Variants in NOLC1 observed in about 807,000 individuals in gnomAD.
The protein encoded by NOLC1 is 140 kDa nucleolar phosphoprotein.
A neutral mutation model predicts 73.4 loss-of-function variants in NOLC1; 37 were observed. That is an observed-to-expected ratio of 0.50 (90% CI 0.39 to 0.66). NOLC1 has a LOEUF of 0.66. Ranked by LOEUF, NOLC1 falls within the 30% of genes least tolerant of loss-of-function variation. The probability of loss-of-function intolerance (pLI) is 0.00; values close to 1 mark genes in which losing one functional copy is unlikely to be tolerated. For synonymous variants in NOLC1, 327 were observed against 302.6 expected (o/e 1.08, Z -0.84); for missense variants, 921 against 838.9 (o/e 1.10, Z -1.21).
chr10:102,157,570 G>A lies in NOLC1; in HGVS notation c.441+15G>A, dbSNP rs1019254261. The A allele has an allele frequency of 6.2e-7, 1 of 1,608,028 alleles. No individual in the cohort carries two copies. The highest frequency in any genetic ancestry group is 1.3e-5 in the African/African-American group (1 of 74,520). ...AGCCTGTCCAGGTTTGCAGCTTTGGGAAGAAAAAGGGGTTTAAGGATTAGA... is the reference window on the plus strand; with the variant it reads ...AGCCTGTCCAGGTTTGCAGCTTTGGAAAGAAAAAGGGGTTTAAGGATTAGA... On this transcript the variant is annotated intron_variant, in intron 4 of 12. Coordinates refer to ENST00000605788, the MANE Select transcript of NOLC1 (RefSeq NM_004741.5).
At chr10:102,156,197 T>C (rs1284544329) in intron 1 of NOLC1, among the ~76,000 whole-genome samples, 2 of 152,208 alleles carry the variant, frequency 1.3e-5, no homozygotes, top group African/African-American at 4.8e-5. Context: ...AAAACCTTCT[T>C]GTATTAGTGT....
At chr10:102,155,303 G>T (rs1334530540) in intron 1 of NOLC1, among the ~76,000 whole-genome samples, 1 of 151,694 alleles carries the variant, frequency 6.6e-6, no homozygotes, top group African/African-American at 2.4e-5. Flanking sequence ...GGGATTACAG[G>T]CGTTTAGCCA....
At position 102,157,257 on chromosome 10, in the gene NOLC1, C is replaced by T. The variant is rs770624197; in HGVS notation, c.245C>T (p.Ala82Val). 27 of 1,614,056 alleles carry T rather than the reference C, an allele frequency of 1.7e-5. No individual in the cohort carries two copies. The highest frequency in any genetic ancestry group is 2.3e-5 in the Non-Finnish European group (27 of 1,180,036). ...GPVAKKAKKK[A>V]SSSDSEDSSE... ...GTGGCTAAGAAAGCTAAGAAGAAGG[C>T]CTCATCCAGTGACAGTGAGGACAGC... Residue 82 changes from alanine to valine, a missense_variant, in exon 3 of 13, where the codon GCC becomes GTC. By Grantham distance (64) the Ala-to-Val change is moderately conservative (BLOSUM62 0). Coordinates refer to ENST00000605788, the MANE Select transcript of NOLC1 (RefSeq NM_004741.5).
rs560554951 is a variant in NOLC1, at chr10:102,153,600, G to A, written c.120+1070G>A. Among the ~76,000 whole-genome samples, 35 of 151,810 alleles carry A rather than the reference G, an allele frequency of 2.3e-4. No homozygotes were observed. In the East Asian group the frequency reaches 6.6e-3, roughly 29 times the overall value. ...TTTCTTAATGAAACTGTTTAGAGTT[G>A]ACTGTTAAGGAGACTGCGGAGAGTG... On this transcript the variant is annotated intron_variant, in intron 1 of 12. Coordinates refer to ENST00000605788, the MANE Select transcript of NOLC1 (RefSeq NM_004741.5).
rs900694772 is a variant in NOLC1, at chr10:102,162,869, G to A, written c.*600G>A. On this transcript the variant is annotated 3_prime_UTR_variant, in exon 13 of 13. Transcript: ENST00000605788. ...GGGACTGAAGTTTTTAGCCAGCATG[G>A]ACCTAACCTACTTTTTGGGATAAAA... is the stretch of plus-strand genomic sequence containing the variant. The A allele has an allele frequency of 2.6e-5, 4 of 152,168 alleles. No homozygotes were observed. Among genetic ancestry groups the A allele is most frequent in the African/African-American group, 9.7e-5 (4 of 41,406 alleles). 9.4% of individuals were successfully genotyped at this position (152,168 alleles called of 1,614,324 possible).
At position 102,157,550 on chromosome 10, in the gene NOLC1, G is replaced by T. The variant is rs148752153; in HGVS notation, c.436G>T (p.Val146Phe). The change falls in exon 4 of 13, where the codon GTC (valine) becomes TTC (phenylalanine). Residue 146 changes from valine to phenylalanine, a missense_variant. Transcript: ENST00000605788. ...DDEEDQKKQPVQKGVKPQAKA... is the reference protein window; with the variant it reads ...DDEEDQKKQPFQKGVKPQAKA... ...TGAGGAGGACCAAAAGAAACAGCCT[G>T]TCCAGGTTTGCAGCTTTGGGAAGAA... 1.2e-6 allele frequency: 2 copies of T among 1,613,758 alleles called. No individual in the cohort carries two copies. Among genetic ancestry groups the T allele is most frequent in the East Asian group, 4.5e-5 (2 of 44,870 alleles).
At chr10:102,156,264 AAG>A (rs905086956) in intron 1 of NOLC1, among the ~76,000 whole-genome samples, 4 of 152,218 alleles carry the variant, frequency 2.6e-5, no homozygotes, top group Admixed American at 1.3e-4. Context: ...TGCTAGAGTA[AAG>A]AGAGAGCCTT....
rs1480455851 is a variant in NOLC1 at position 102,160,985 on chromosome 10, A to G, written c.1633A>G (p.Lys545Glu). ...GGGCTCTCCAAGACCACAAGCCCCC[A>G]AGGCCAATGGCACCTCTGCACTGAC... is the stretch of plus-strand genomic sequence containing the variant. Reference protein sequence around the residue: ...GKGSPRPQAPKANGTSALTAQ... With the variant: ...GKGSPRPQAPEANGTSALTAQ... Residue 545 changes from lysine (K) to glutamate (E), a missense_variant, in exon 10 of 13, where the codon AAG becomes GAG. By Grantham distance (56) the Lys-to-Glu change is moderately conservative. Coordinates refer to ENST00000605788, the MANE Select transcript of NOLC1 (RefSeq NM_004741.5). 6.8e-6 allele frequency: 11 copies of G among 1,614,206 alleles called. No individual in the cohort carries two copies. Among genetic ancestry groups the G allele is most frequent in the East Asian group, 2.2e-5 (1 of 44,894 alleles).
At position 102,160,477 on chromosome 10, in the gene NOLC1, A is replaced by G. The variant is rs1272999932; in HGVS notation, c.1125A>G (p.Glu375=). Residue 375 remains glutamate, a synonymous_variant, in exon 10 of 13, where the codon GAA becomes GAG. Coordinates refer to ENST00000605788, the MANE Select transcript of NOLC1 (RefSeq NM_004741.5). ...SSDSDSSEDD[E]APSKPAGTTK... is the part of the protein sequence containing the mutation. Reference sequence around the variant, plus strand: ...ACTCTGACAGCTCTGAGGATGATGAAGCTCCTTCTAAGCCAGCTGGTACCA... The same window carrying G: ...ACTCTGACAGCTCTGAGGATGATGAGGCTCCTTCTAAGCCAGCTGGTACCA... 1 of 1,613,780 alleles carries G rather than the reference A, an allele frequency of 6.2e-7. No homozygotes were observed. The highest frequency in any genetic ancestry group is 1.3e-5 in the African/African-American group (1 of 74,890).
chr10:102,158,141 G>C lies in NOLC1; in HGVS notation c.534G>C (p.Glu178Asp). The C allele has an allele frequency of 2.5e-6, 4 of 1,614,130 alleles. No individual in the cohort carries two copies. Among genetic ancestry groups the C allele is most frequent in the Non-Finnish European group, 3.4e-6 (4 of 1,179,990 alleles). The change falls in exon 5 of 13, where the codon GAG (glutamate) becomes GAC (aspartate). Residue 178 changes from glutamate to aspartate, a missense_variant. Glu to Asp is a conservative substitution (Grantham distance 45). Coordinates refer to ENST00000605788, the MANE Select transcript of NOLC1 (RefSeq NM_004741.5). ...DSDSDSSSED[E>D]PPKNQKPKIT... ...ATTCTGACTCAAGCTCCGAGGATGA[G>C]CCACCAAAGAACCAGAAGCCAAAGA...
intron 1 of NOLC1, among the ~76,000 whole-genome samples, chr10:102,155,014 C>A (rs1417441815): frequency 2.0e-5 from 3 of 149,118 alleles, no homozygotes; most frequent in Non-Finnish European, 3.0e-5. Context: ...TACCACCACA[C>A]CTGGCTAATT....
chr10:102,160,911 C>G lies in NOLC1; in HGVS notation c.1559C>G (p.Ser520Cys), dbSNP rs2069696701. Residue 520 changes from serine to cysteine, a missense_variant, in exon 10 of 13, where the codon TCT becomes TGT. Transcript: ENST00000605788. ...KKGKAESSNS[S>C]SSDDSSEEEE... ...GGAAAGGCTGAGAGCAGCAACAGTT[C>G]TTCTTCTGATGACTCCAGTGAGGAA... 1 of 1,613,730 alleles carries G rather than the reference C, an allele frequency of 6.2e-7. No individual in the cohort carries two copies. The highest frequency in any genetic ancestry group is 8.5e-7 in the Non-Finnish European group (1 of 1,179,872).
intron 10 of NOLC1, 66 bp downstream of exon 10, chr10:102,161,159 G>C (rs2069703543): frequency 4.0e-6 from 6 of 1,487,574 alleles, no homozygotes; most frequent in Non-Finnish European, 3.6e-6. Context: ...TATACTCTTT[G>C]AGAGTAGGGT....
chr10:102,159,829 C>A, intron 7 of NOLC1, 67 bp from the exon 8 acceptor site: 2 of 1,418,650 alleles, frequency 1.4e-6, no homozygotes, highest in Non-Finnish European at 1.9e-6. Flanking sequence ...TTCATTTCTA[C>A]AAGAAAGTAG....
rs750744070 is a variant in NOLC1, at chr10:102,161,903, C to G, written c.1919C>G (p.Ala640Gly). The G allele has an allele frequency of 6.2e-7, 1 of 1,614,028 alleles. No homozygotes were observed. Among genetic ancestry groups the G allele is most frequent in the African/African-American group, 1.3e-5 (1 of 75,004 alleles). ...EEEIEVDSRV[A>G]DNSFDAKRGA... ...GAAATTGAGGTGGATTCACGAGTTG[C>G]GGACAACTCCTTTGATGCCAAGGTG... The change falls in exon 12 of 13, where the codon GCG (alanine) becomes GGG (glycine). Residue 640 changes from alanine (A) to glycine (G), a missense_variant. Ala to Gly is a moderately conservative substitution (Grantham distance 60). Transcript: ENST00000605788.
intron 7 of NOLC1, 37 bp downstream of exon 7, chr10:102,159,605 G>A (rs374322946): frequency 1.0e-5 from 16 of 1,602,550 alleles, no homozygotes; most frequent in Non-Finnish European, 1.3e-5. Context: ...TGTGACTGTG[G>A]TCAGGGCCCA....
chr10:102,161,784 C>G (rs1443719288), intron 11 of NOLC1, 49 bp from the exon 12 acceptor site: 1 of 1,568,542 alleles, frequency 6.4e-7, no homozygotes, highest in South Asian at 1.1e-5. Flanking sequence ...CTCAGGAGAA[C>G]TGTTACATGA....
At position 102,157,420 on chromosome 10, in the gene NOLC1, T is replaced by G; in HGVS notation, c.317-11T>G. 6.2e-7 allele frequency: 1 copy of G among 1,613,922 alleles called. No individual in the cohort carries two copies. Among genetic ancestry groups the G allele is most frequent in the Non-Finnish European group, 8.5e-7 (1 of 1,179,888 alleles). Reference sequence around the variant, plus strand: ...TGGCTGATTCTTACTGGGACCTGTGTGTTTGTTCAGCTGTACCTGCCAAGC... The same window carrying G: ...TGGCTGATTCTTACTGGGACCTGTGGGTTTGTTCAGCTGTACCTGCCAAGC... On this transcript the variant is annotated splice_polypyrimidine_tract_variant and intron_variant, in intron 3 of 12. Transcript: ENST00000605788.
In NOLC1 at chr10:102,161,572, G is replaced by T; in HGVS notation, c.1758G>T (p.Arg586=). 1 of 1,613,886 alleles carries T rather than the reference G, an allele frequency of 6.2e-7. No individual in the cohort carries two copies. Among genetic ancestry groups the T allele is most frequent in the East Asian group, 2.2e-5 (1 of 44,882 alleles). ...GTTTTGTAGGTTCATTAAAGAAGCGGAAGCAGAATGAGGCTGCCAAGGAGG... is the reference window on the plus strand; with the variant it reads ...GTTTTGTAGGTTCATTAAAGAAGCGTAAGCAGAATGAGGCTGCCAAGGAGG... ...VVSKSGSLKK[R]KQNEAAKEAE... The change falls in exon 11 of 13, where the codon CGG becomes CGT. Residue 586 remains arginine (R), a synonymous_variant. Coordinates refer to ENST00000605788, the MANE Select transcript of NOLC1 (RefSeq NM_004741.5).
Sources: allele counts gnomAD v4.1 joint callset (sites outside exome capture counted in the v4.1 genomes callset), GRCh38; gene constraint gnomAD v4.1.1; transcripts MANE v1.5; gene names NCBI Gene and HGNC (gene_info 2026-07-23, HGNC 2026-07-21).